The following PTPRG variants were observed in gnomAD, a reference collection of about 807,000 sequenced individuals.
PTPRG encodes the protein receptor-type tyrosine-protein phosphatase gamma.
A neutral mutation model predicts 165.3 loss-of-function variants in PTPRG; 102 were observed. The ratio of observed to expected loss-of-function variants is 0.62; its 90% CI spans 0.53 to 0.73. The LOEUF (loss-of-function observed/expected upper bound fraction) is 0.73, where lower values mean the gene tolerates loss of function less well. Ranked by LOEUF, PTPRG falls within the 30% of genes least tolerant of loss-of-function variation. The pLI is 0.00. For synonymous variants in PTPRG, 675 were observed against 669.5 expected (o/e 1.01, Z -0.13); for missense variants, 1,866 against 1,861.4 (o/e 1.00, Z -0.05).
intron 2 of PTPRG, among the ~76,000 whole-genome samples, chr3:61,752,406 A>T (rs1447846189): frequency 6.6e-6 from 1 of 152,182 alleles, no homozygotes; most frequent in African/African-American, 2.4e-5. Context: ...GAATGTTACT[A>T]TTCCAGTAAT....
At chr3:61,858,408 C>CACAGGTA (rs2037173064) in intron 2 of PTPRG, among the ~76,000 whole-genome samples, 1 of 152,114 alleles carries the variant, frequency 6.6e-6, no homozygotes, top group Non-Finnish European at 1.5e-5. Flanking sequence ...CCTTCTAAAG[C>CACAGGTA]TAATTTTATT....
intron 1 of PTPRG, among the ~76,000 whole-genome samples, chr3:61,738,338 GTATATATATATATA>G (rs1559583531): frequency 2.4e-5 from 3 of 123,682 alleles, no homozygotes; most frequent in African/African-American, 9.9e-5. Context: ...ATATATATAT[GTATATATATATATA>G]AACCTATTTC....
chr3:61,599,212 C>T (rs145554617), intron 1 of PTPRG, among the ~76,000 whole-genome samples: 5 of 152,028 alleles, frequency 3.3e-5, no homozygotes, highest in African/African-American at 1.2e-4. Context: ...TGCAATGACT[C>T]GATTTCAGCT....
At chr3:61,697,192 C>T (rs1347110943) in intron 1 of PTPRG, among the ~76,000 whole-genome samples, 1 of 152,254 alleles carries the variant, frequency 6.6e-6, no homozygotes, top group African/African-American at 2.4e-5. Flanking sequence ...TCCAGAGGCG[C>T]CTCCCTCTAC....
intron 2 of PTPRG, among the ~76,000 whole-genome samples, chr3:61,775,520 A>G (rs938529466): frequency 6.6e-6 from 1 of 152,180 alleles, no homozygotes; most frequent in African/African-American, 2.4e-5. Context: ...CTAACCTCAT[A>G]ATGGAAATCT....
chr3:62,196,504 G>T (rs114617667), intron 10 of PTPRG, among the ~76,000 whole-genome samples: 2,215 of 152,290 alleles, frequency 0.015, 30 homozygotes, highest in Middle Eastern at 0.041. Flanking sequence ...AGTAGAGATA[G>T]ATACACTCTG....
At chr3:61,945,267 GA>G (rs1304855160) in intron 2 of PTPRG, among the ~76,000 whole-genome samples, 1 of 152,092 alleles carries the variant, frequency 6.6e-6, no homozygotes, top group Non-Finnish European at 1.5e-5. Flanking sequence ...TCCTTAGAAG[GA>G]AAAACTTGAG....
intron 2 of PTPRG, among the ~76,000 whole-genome samples, chr3:61,960,344 C>T (rs1002786871): frequency 3.9e-5 from 6 of 151,924 alleles, no homozygotes; most frequent in Non-Finnish European, 7.4e-5. Context: ...ATGACTGAAA[C>T]GGAACCCTTT....
chr3:62,165,140 G>T lies in PTPRG; in HGVS notation c.841-2831G>T, dbSNP rs80351590. 6.7e-3 allele frequency among the ~76,000 whole-genome samples: 1,014 copies of T among 152,302 alleles called. 14 individuals carry two copies. Among genetic ancestry groups the T allele is most frequent in the African/African-American group, 0.024 (981 of 41,562 alleles). Reference sequence around the variant, plus strand: ...GCTGGTCAGCATCTTCCACATATGAGGGGCTTTATGAAATTACTCCTTACT... The same window carrying T: ...GCTGGTCAGCATCTTCCACATATGATGGGCTTTATGAAATTACTCCTTACT... On this transcript the variant is annotated intron_variant, in intron 7 of 29. Transcript: ENST00000474889.
chr3:61,791,530 C>T (rs2034866720), intron 2 of PTPRG, among the ~76,000 whole-genome samples: 3 of 152,188 alleles, frequency 2.0e-5, no homozygotes, highest in Admixed American at 2.0e-4. Context: ...CTCTGTTGCC[C>T]AGGCTGGAGT....
chr3:62,198,833 C>T (rs975148380), intron 10 of PTPRG, among the ~76,000 whole-genome samples: 16 of 152,146 alleles, frequency 1.1e-4, no homozygotes, highest in African/African-American at 2.9e-4. Context: ...GCAGGTCCTG[C>T]GAATGCAGTT....
intron 2 of PTPRG, among the ~76,000 whole-genome samples, chr3:61,966,190 C>T (rs1413240829): frequency 6.6e-6 from 1 of 152,198 alleles, no homozygotes; most frequent in African/African-American, 2.4e-5. Context: ...AAGGAATCAT[C>T]TCGCATGCTT....
chr3:61,960,109 T>C (rs1022652119), intron 2 of PTPRG, among the ~76,000 whole-genome samples: 28 of 152,182 alleles, frequency 1.8e-4, no homozygotes, highest in Non-Finnish European at 3.5e-4. Flanking sequence ...TTCAATTATC[T>C]TATGTTGTTT....
At chr3:62,206,082 T>G (rs1461336471) in intron 12 of PTPRG, among the ~76,000 whole-genome samples, 1 of 152,116 alleles carries the variant, frequency 6.6e-6, no homozygotes, top group Non-Finnish European at 1.5e-5. Flanking sequence ...CTTAAACATT[T>G]GTTTGACCAC....
At chr3:62,010,811 A>G (rs1210772554) in intron 4 of PTPRG, among the ~76,000 whole-genome samples, 2 of 152,054 alleles carry the variant, frequency 1.3e-5, no homozygotes, top group South Asian at 2.1e-4. Flanking sequence ...TAACATTTCC[A>G]GTATAACAGT....
At chr3:61,934,077 T>G (rs1237405848) in intron 2 of PTPRG, among the ~76,000 whole-genome samples, 1 of 152,224 alleles carries the variant, frequency 6.6e-6, no homozygotes, top group Non-Finnish European at 1.5e-5. Flanking sequence ...TGGGGACATT[T>G]AGCTTGTTCT....
At chr3:61,680,521 C>A (rs60498759) in intron 1 of PTPRG, among the ~76,000 whole-genome samples, 64,136 of 114,750 alleles carry the variant, frequency 0.56, 18,863 homozygotes, top group East Asian at 0.73. Flanking sequence ...AAAAAAAACA[C>A]AAAAAAACAG....
chr3:61,680,299 A>AG (rs1703387288), intron 1 of PTPRG, among the ~76,000 whole-genome samples: 1 of 152,018 alleles, frequency 6.6e-6, no homozygotes, highest in Non-Finnish European at 1.5e-5. Context: ...AAGTAGAGTG[A>AG]GGGAAGCAGG....
intron 1 of PTPRG, among the ~76,000 whole-genome samples, chr3:61,622,321 TAAA>T (rs1701482837): frequency 6.6e-6 from 1 of 152,136 alleles, no homozygotes; most frequent in Non-Finnish European, 1.5e-5. Context: ...TTGCACAAGG[TAAA>T]GAAGGGGGAG....
Sources: allele counts gnomAD v4.1 joint callset (sites outside exome capture counted in the v4.1 genomes callset), GRCh38; gene constraint gnomAD v4.1.1; transcripts MANE v1.5; gene names NCBI Gene and HGNC (gene_info 2026-07-23, HGNC 2026-07-21).